RASGRF2: variants seen among roughly 807,000 people sequenced by gnomAD.
The protein encoded by RASGRF2 is Ras protein specific guanine nucleotide releasing factor 2.
In RASGRF2, 76 loss-of-function variants were observed where a neutral mutation model predicts 151.0. The observed-to-expected ratio is 0.50, with a 90% CI of 0.42 to 0.61. The LOEUF is 0.61. Among genes scored for constraint, RASGRF2 ranks in the 20% least tolerant of loss-of-function variants. The pLI, the probability that RASGRF2 is intolerant of heterozygous loss-of-function variation, is 0.00. For synonymous variants in RASGRF2, 504 were observed against 566.5 expected, an observed-to-expected ratio of 0.89 and a Z score of 1.57; for missense variants, 1,148 against 1,564.6, an observed-to-expected ratio of 0.73 and a Z score of 4.49.
intron 17 of RASGRF2, among the ~76,000 whole-genome samples, chr5:81,178,088 G>A (rs1242233228): frequency 6.6e-6 from 1 of 152,298 alleles, no homozygotes; most frequent in East Asian, 1.9e-4. Context: ...TGACTTCAGA[G>A]AGGAAAACAA....
chr5:81,206,948 C>T lies in RASGRF2; in HGVS notation c.2967+43C>T, dbSNP rs768903564. Reference sequence around the variant, plus strand: ...TTTATCTAGCACAACTATGTGCAAACTACCTCTCCAAGGCGAGCAATATGC... The same window carrying T: ...TTTATCTAGCACAACTATGTGCAAATTACCTCTCCAAGGCGAGCAATATGC... On this transcript the variant is annotated intron_variant, in intron 20 of 26. Coordinates refer to ENST00000265080, the MANE Select transcript of RASGRF2 (RefSeq NM_006909.3). 2.1e-6 allele frequency: 3 copies of T among 1,454,696 alleles called. No homozygotes were observed. In the South Asian group the frequency reaches 3.4e-5, roughly 17 times the overall value. 90.1% of individuals were successfully genotyped at this position (1,454,696 alleles called of 1,614,324 possible). A position where few individuals can be genotyped will look rare whatever the true frequency, so the allele number is the denominator to read the frequency against.
intron 23 of RASGRF2, 150 bp downstream of exon 23, chr5:81,212,713 C>T (rs1184448428): frequency 2.9e-6 from 2 of 698,998 alleles, no homozygotes; most frequent in East Asian, 2.8e-5. Context: ...AATTACAGGG[C>T]TCTTACCACT....
chr5:81,099,365 T>C (rs1179422782), intron 12 of RASGRF2, among the ~76,000 whole-genome samples: 1 of 152,250 alleles, frequency 6.6e-6, no homozygotes, highest in East Asian at 1.9e-4. Flanking sequence ...TTTATAGCTT[T>C]TTCTGAATAA....
In RASGRF2 at chr5:81,137,185, A is replaced by G. The variant is rs565119131; in HGVS notation, c.2686+10022A>G. Among the ~76,000 whole-genome samples, 6 of 152,292 alleles carry G rather than the reference A, an allele frequency of 3.9e-5. No individual in the cohort carries two copies. The South Asian group carries it at 1.0e-3, about 26-fold the overall frequency. On this transcript the variant is annotated intron_variant, in intron 17 of 26. Coordinates refer to ENST00000265080, the MANE Select transcript of RASGRF2 (RefSeq NM_006909.3). ...GTTTTTCACCTTCAGTATGGTATTC[A>G]ATAAATTATATGAGATATTGCACAC... is the stretch of plus-strand genomic sequence containing the variant.
At chr5:81,133,000 G>C (rs910295939) in intron 17 of RASGRF2, among the ~76,000 whole-genome samples, 11 of 152,172 alleles carry the variant, frequency 7.2e-5, no homozygotes, top group African/African-American at 2.4e-4. Context: ...GAAAATTCTT[G>C]GAATCGCAAC....
chr5:81,124,120 G>C (rs27558), intron 16 of RASGRF2, among the ~76,000 whole-genome samples: 1 of 151,922 alleles, frequency 6.6e-6, no homozygotes, highest in Non-Finnish European at 1.5e-5. Context: ...TCTACAGGTG[G>C]TTTAAAATAT....
At chr5:81,041,914 G>A (rs111723935) in intron 1 of RASGRF2, among the ~76,000 whole-genome samples, 2 of 152,028 alleles carry the variant, frequency 1.3e-5, no homozygotes, top group Non-Finnish European at 2.9e-5. Context: ...CCTATTTTAC[G>A]AATATCACAC....
At chr5:81,160,515 C>CA (rs1191411869) in intron 17 of RASGRF2, among the ~76,000 whole-genome samples, 1 of 151,220 alleles carries the variant, frequency 6.6e-6, no homozygotes, top group Non-Finnish European at 1.5e-5. Context: ...ACTAAAGATA[C>CA]AAAAAAATTA....
intron 22 of RASGRF2, 114 bp from the exon 23 acceptor site, chr5:81,212,252 C>T (rs12658249): frequency 0.052 from 34,675 of 666,564 alleles, 2,158 homozygotes; most frequent in East Asian, 0.24. Context: ...ATATGATCTT[C>T]AAGCTACTCA....
chr5:81,161,314 C>G (rs942669366), intron 17 of RASGRF2, among the ~76,000 whole-genome samples: 24 of 152,322 alleles, frequency 1.6e-4, no homozygotes, highest in Admixed American at 1.2e-3. Context: ...CATAGGCAAG[C>G]TCTCCTAGAG....
chr5:81,076,553 G>T (rs934015956), intron 5 of RASGRF2, among the ~76,000 whole-genome samples: 1 of 150,768 alleles, frequency 6.6e-6, no homozygotes, highest in African/African-American at 2.4e-5. Context: ...GGACACTTCC[G>T]TAGTTAGGAG....
At chr5:81,214,307 G>T (rs973700198) in intron 23 of RASGRF2, among the ~76,000 whole-genome samples, 3 of 152,210 alleles carry the variant, frequency 2.0e-5, no homozygotes, top group Non-Finnish European at 4.4e-5. Flanking sequence ...GCCTTAGCAT[G>T]GGCTAGTGGA....
intron 5 of RASGRF2, among the ~76,000 whole-genome samples, chr5:81,078,152 G>A (rs1368915570): frequency 3.3e-5 from 5 of 151,990 alleles, no homozygotes. Flanking sequence ...ATATTTATGA[G>A]GTATATGTTA....
At chr5:81,080,242 G>A in intron 6 of RASGRF2, 42 bp downstream of exon 6, 1 of 1,576,780 alleles carries the variant, frequency 6.3e-7, no homozygotes, top group Non-Finnish European at 8.5e-7. Context: ...CTTTTAGAGT[G>A]GCTGCAATTA....
chr5:81,013,088 C>A (rs1749521208), intron 1 of RASGRF2, among the ~76,000 whole-genome samples: 1 of 152,164 alleles, frequency 6.6e-6, no homozygotes, highest in Admixed American at 6.5e-5. Context: ...TTAAGACACT[C>A]TATATTCTGT....
Position 81,207,352 on chromosome 5 carries a change from G to C in RASGRF2, c.3071+3G>C. 1.9e-6 allele frequency: 3 copies of C among 1,611,926 alleles called. No homozygotes were observed. The highest frequency in any genetic ancestry group is 2.5e-6 in the Non-Finnish European group (3 of 1,178,092). ...ATTTTCAGAAGCATTCCCTACGAGT[G>C]AGTGCCACCCCCCACAGCAGCAGGG... On this transcript the variant is annotated splice_donor_region_variant and intron_variant, in intron 21 of 26. Coordinates refer to ENST00000265080, the MANE Select transcript of RASGRF2 (RefSeq NM_006909.3).
In RASGRF2 at chr5:81,220,996, G is replaced by A. The variant is rs141248157; in HGVS notation, c.3621+1218G>A. Reference sequence around the variant, plus strand: ...GTATTTTGCAGGATGGCCCACTGTGGAAATCTGTCAGATGTTTACTCAGGG... The same window carrying A: ...GTATTTTGCAGGATGGCCCACTGTGAAAATCTGTCAGATGTTTACTCAGGG... On this transcript the variant is annotated intron_variant, in intron 26 of 26. Coordinates refer to ENST00000265080, the MANE Select transcript of RASGRF2 (RefSeq NM_006909.3). Among the ~76,000 whole-genome samples the A allele has an allele frequency of 1.1e-4, 17 of 152,258 alleles. No individual in the cohort carries two copies. In the East Asian group the frequency reaches 3.3e-3, roughly 29 times the overall value.
chr5:80,967,795 A>G (rs775993957), intron 1 of RASGRF2, among the ~76,000 whole-genome samples: 1 of 152,242 alleles, frequency 6.6e-6, no homozygotes, highest in Non-Finnish European at 1.5e-5. Flanking sequence ...AGTAGATAAC[A>G]TTATAACTGA....
chr5:81,147,973 C>T (rs182646280), intron 17 of RASGRF2, among the ~76,000 whole-genome samples: 13 of 152,302 alleles, frequency 8.5e-5, no homozygotes, highest in East Asian at 7.7e-4. Context: ...TAAGTGCATA[C>T]GGTCTCAGCA....
Sources: gnomAD v4.1 joint callset for allele counts (sites outside exome capture counted in the v4.1 genomes callset) on GRCh38, gnomAD v4.1.1 for gene constraint, MANE v1.5 for transcripts, NCBI Gene and HGNC (gene_info 2026-07-23, HGNC 2026-07-21) for gene names.